ROCK1: variants seen among roughly 807,000 people sequenced by gnomAD.
ROCK1 encodes rho-associated protein kinase 1.
Under a neutral mutation model 196.8 loss-of-function variants are expected in ROCK1, and 36 were observed. That is an observed-to-expected ratio of 0.18 (90% CI 0.14 to 0.24). The LOEUF is 0.24. Among genes scored for constraint, ROCK1 ranks in the 10% least tolerant of loss-of-function variants. The probability of loss-of-function intolerance (pLI) is 1.00; values close to 1 mark genes in which losing one functional copy is unlikely to be tolerated. For missense variants in ROCK1, 920 were observed against 1,562.0 expected (o/e 0.59, Z 6.93); for synonymous variants, 443 against 515.9 (o/e 0.86, Z 1.91).
chr18:21,019,951 T>G (rs1342188737), intron 12 of ROCK1, among the ~76,000 whole-genome samples, 200 bp downstream of exon 12: 1 of 151,612 alleles, frequency 6.6e-6, no homozygotes, highest in Non-Finnish European at 1.5e-5. Context: ...TTAAATATTC[T>G]GAGGAAAATA....
rs753482932 is a variant in ROCK1 at position 21,006,532 on chromosome 18, G to A, written c.1704C>T (p.His568=). The part of the protein sequence containing the change: ...SDTAVRLRKS[H]TEMSKSISQL... ...GACTAATTGACTTGCTCATCTCTGT[G>A]TGACTCTTCCTCAATCTTACAGCTG... The change falls in exon 16 of 33, where the codon CAC becomes CAT. Residue 568 remains histidine (H), a synonymous_variant. Transcript: ENST00000399799. The A allele has an allele frequency of 6.2e-7, 1 of 1,613,784 alleles. No homozygotes were observed. The highest frequency in any genetic ancestry group is 1.1e-5 in the South Asian group (1 of 91,082).
intron 1 of ROCK1, among the ~76,000 whole-genome samples, chr18:21,108,876 G>A (rs1460550488): frequency 6.6e-6 from 1 of 152,112 alleles, no homozygotes; most frequent in African/African-American, 2.4e-5. Flanking sequence ...AGCCACAACA[G>A]TGTAAAGGCA....
intron 2 of ROCK1, among the ~76,000 whole-genome samples, chr18:21,062,234 T>C (rs1171653580): frequency 6.6e-6 from 1 of 152,056 alleles, no homozygotes; most frequent in African/African-American, 2.4e-5. Flanking sequence ...AAATATAAGA[T>C]GAGCCTGGAG....
Position 21,042,608 on chromosome 18 carries a change from A to G in ROCK1, c.777T>C (p.Cys259=). ...QGGDGYYGRE[C]DWWSVGVFLY... Reference sequence around the variant, plus strand: ...AAAATACCCCAACCGACCACCAGTCACATTCTCTTCCATAATAACCATCAC... The same window carrying G: ...AAAATACCCCAACCGACCACCAGTCGCATTCTCTTCCATAATAACCATCAC... Residue 259 remains cysteine (C), a synonymous_variant, in exon 7 of 33, where the codon TGT becomes TGC. Coordinates refer to ENST00000399799, the MANE Select transcript of ROCK1 (RefSeq NM_005406.3). The G allele has an allele frequency of 6.2e-7, 1 of 1,614,026 alleles. No homozygotes were observed. The highest frequency in any genetic ancestry group is 8.5e-7 in the Non-Finnish European group (1 of 1,179,916).
intron 22 of ROCK1, among the ~76,000 whole-genome samples, chr18:20,975,953 C>A (rs1159042154): frequency 2.6e-5 from 4 of 152,160 alleles, no homozygotes; most frequent in Non-Finnish European, 4.4e-5. Flanking sequence ...TGGAAATATT[C>A]TCTTACCCCA....
intron 1 of ROCK1, among the ~76,000 whole-genome samples, chr18:21,107,586 G>A (rs1296320030): frequency 2.0e-5 from 3 of 152,092 alleles, no homozygotes; most frequent in African/African-American, 7.2e-5. Flanking sequence ...GTCCAGATAG[G>A]GAAGAACAAG....
chr18:21,006,113 G>T (rs1452105017), intron 16 of ROCK1, among the ~76,000 whole-genome samples: 1 of 152,104 alleles, frequency 6.6e-6, no homozygotes, highest in Non-Finnish European at 1.5e-5. Context: ...ATATTACTGA[G>T]CCCTAAAAAG....
At chr18:21,057,050 T>C (rs1405865322) in intron 2 of ROCK1, among the ~76,000 whole-genome samples, 1 of 152,242 alleles carries the variant, frequency 6.6e-6, no homozygotes, top group African/African-American at 2.4e-5. Flanking sequence ...TATCTTTTCC[T>C]ATGGCAGATT....
intron 9 of ROCK1, among the ~76,000 whole-genome samples, chr18:21,032,113 G>C (rs1477488391): frequency 6.6e-6 from 1 of 152,150 alleles, no homozygotes; most frequent in Non-Finnish European, 1.5e-5. Context: ...ACACATCCAA[G>C]AAGCTGAATG....
chr18:21,062,096 G>A (rs140586618), intron 2 of ROCK1, among the ~76,000 whole-genome samples: 2,052 of 152,218 alleles, frequency 0.013, 15 homozygotes, highest in Non-Finnish European at 0.02. Flanking sequence ...AGCTGAGAGG[G>A]CCTTGAAACA....
At chr18:21,060,830 A>G (rs1393863080) in intron 2 of ROCK1, among the ~76,000 whole-genome samples, 1 of 129,638 alleles carries the variant, frequency 7.7e-6, no homozygotes, top group East Asian at 2.2e-4. Flanking sequence ...GAAGAGCGAA[A>G]CTCCATCTCA....
intron 1 of ROCK1, among the ~76,000 whole-genome samples, chr18:21,080,946 T>C (rs1323965050): frequency 1.3e-5 from 2 of 152,014 alleles, no homozygotes; most frequent in Non-Finnish European, 2.9e-5. Flanking sequence ...TTTTCAGTAA[T>C]GAATAGAACC....
At chr18:20,982,100 T>C (rs2035538310) in intron 21 of ROCK1, among the ~76,000 whole-genome samples, 1 of 152,156 alleles carries the variant, frequency 6.6e-6, no homozygotes, top group South Asian at 2.1e-4. Context: ...TTGACACCCA[T>C]CCAAACATTT....
At position 21,070,732 on chromosome 18, in the gene ROCK1, T is replaced by A. The variant is rs933744157; in HGVS notation, c.94-119A>T. 4 of 577,804 alleles carry A rather than the reference T, an allele frequency of 6.9e-6. No homozygotes were observed. The African/African-American group carries it at 7.7e-5, about 11-fold the overall frequency. The allele number at this position is 577,804 out of a possible 1,614,324, so 35.8% of individuals were successfully genotyped here. On this transcript the variant is annotated intron_variant, in intron 1 of 32. Transcript: ENST00000399799. The stretch of plus-strand genomic sequence containing the variant: ...TTTCCCCTAACACATCTTGTGTACA[T>A]TTAACACCCTCTACAAGGTTAGATG...
intron 1 of ROCK1, among the ~76,000 whole-genome samples, chr18:21,078,924 T>C (rs143282465): frequency 1.3e-5 from 2 of 152,176 alleles, no homozygotes; most frequent in African/African-American, 4.8e-5. Flanking sequence ...TGTAGCTTTC[T>C]TCTAATATTG....
intron 2 of ROCK1, among the ~76,000 whole-genome samples, chr18:21,067,276 CTTATTA>C (rs1466447033): frequency 2.0e-5 from 3 of 150,788 alleles, no homozygotes; most frequent in Admixed American, 2.0e-4. Flanking sequence ...AACTATTTGT[CTTATTA>C]TTATTGAGTT....
chr18:21,095,504 T>C (rs56776353), intron 1 of ROCK1, among the ~76,000 whole-genome samples: 4,161 of 152,274 alleles, frequency 0.027, 185 homozygotes, highest in African/African-American at 0.095. Flanking sequence ...ATATACACAA[T>C]GGGATATTAT....
intron 1 of ROCK1, among the ~76,000 whole-genome samples, chr18:21,073,419 T>C (rs1202918076): frequency 6.6e-6 from 1 of 152,050 alleles, no homozygotes; most frequent in Non-Finnish European, 1.5e-5. Flanking sequence ...AGAGTTCAAG[T>C]GAAAGCAGAA....
At chr18:21,090,667 T>C (rs573228436) in intron 1 of ROCK1, among the ~76,000 whole-genome samples, 1 of 152,362 alleles carries the variant, frequency 6.6e-6, no homozygotes, top group South Asian at 2.1e-4. Context: ...CCTAACATGA[T>C]GTCAACCATC....
Sources: allele counts gnomAD v4.1 joint callset (sites outside exome capture counted in the v4.1 genomes callset), GRCh38; gene constraint gnomAD v4.1.1; transcripts MANE v1.5; gene names NCBI Gene and HGNC (gene_info 2026-07-23, HGNC 2026-07-21).